The following FRS2 variants were observed in gnomAD, a reference collection of about 807,000 sequenced individuals.
FRS2 encodes FGFR signalling adaptor.
FRS2 carries 8 observed loss-of-function variants against 43.9 expected under a neutral mutation model. The observed-to-expected ratio is 0.18, with a 90% confidence interval of 0.11 to 0.33. The LOEUF is 0.33. Among genes scored for constraint, FRS2 ranks in the 10% least tolerant of loss-of-function variants. The probability of loss-of-function intolerance (pLI) is 1.00; values close to 1 mark genes in which losing one functional copy is unlikely to be tolerated. For missense variants in FRS2, 534 were observed against 627.6 expected, an observed-to-expected ratio of 0.85 and a Z score of 1.59; for synonymous variants, 219 against 220.3, an observed-to-expected ratio of 0.99 and a Z score of 0.05.
intron 1 of FRS2, among the ~76,000 whole-genome samples, chr12:69,519,343 A>G (rs1875389952): frequency 6.6e-6 from 1 of 152,202 alleles, no homozygotes; most frequent in South Asian, 2.1e-4. Flanking sequence ...GACTCTGATG[A>G]CGTTTACATT....
intron 3 of FRS2, among the ~76,000 whole-genome samples, chr12:69,539,360 C>T (rs1226279798): frequency 6.6e-6 from 1 of 152,132 alleles, no homozygotes; most frequent in East Asian, 1.9e-4. Context: ...CAGGTGTGAG[C>T]ACCGTGCCCA....
chr12:69,528,479 T>C (rs1876476548), intron 1 of FRS2, among the ~76,000 whole-genome samples: 1 of 152,230 alleles, frequency 6.6e-6, no homozygotes, highest in Admixed American at 6.5e-5. Flanking sequence ...GATGGGACTC[T>C]TTTAATTCAA....
chr12:69,551,241 A>G (rs1275003713), intron 3 of FRS2, among the ~76,000 whole-genome samples: 1 of 152,076 alleles, frequency 6.6e-6, no homozygotes, highest in Non-Finnish European at 1.5e-5. Flanking sequence ...AGTCCTAACT[A>G]CTTTGGGAGG....
intron 6 of FRS2, 108 bp downstream of exon 6, chr12:69,570,625 TA>T: frequency 1.5e-6 from 1 of 671,334 alleles, no homozygotes; most frequent in Middle Eastern, 3.1e-4. Context: ...AATCCCAAAA[TA>T]AACAGATTGT....
chr12:69,563,645 C>T (rs1718375135), intron 4 of FRS2, among the ~76,000 whole-genome samples: 2 of 152,206 alleles, frequency 1.3e-5, no homozygotes, highest in Admixed American at 1.3e-4. Flanking sequence ...GCAGCCTCTG[C>T]TGAGTTCTCA....
At chr12:69,501,729 A>G (rs1873461240) in intron 1 of FRS2, among the ~76,000 whole-genome samples, 1 of 152,156 alleles carries the variant, frequency 6.6e-6, no homozygotes, top group Non-Finnish European at 1.5e-5. Context: ...GAGGGTGTGG[A>G]CGGTTGTGTG....
intron 6 of FRS2, among the ~76,000 whole-genome samples, 155 bp from the exon 7 acceptor site, chr12:69,571,119 CAG>C (rs1203242051): frequency 2.0e-5 from 3 of 152,092 alleles, no homozygotes; most frequent in East Asian, 1.9e-4. Flanking sequence ...TGTTTTGAAA[CAG>C]AGAATAATCA....
intron 3 of FRS2, among the ~76,000 whole-genome samples, chr12:69,554,872 CTT>C (rs747422811): frequency 2.3e-5 from 3 of 133,304 alleles, no homozygotes. Flanking sequence ...GCCCAGCTAA[CTT>C]TTTTTTTTTT....
At chr12:69,496,388 G>C (rs1202371153) in intron 1 of FRS2, among the ~76,000 whole-genome samples, 1 of 151,958 alleles carries the variant, frequency 6.6e-6, no homozygotes, top group Non-Finnish European at 1.5e-5. Context: ...AGTGAGCCGA[G>C]ATCGCGCCAC....
intron 1 of FRS2, among the ~76,000 whole-genome samples, chr12:69,510,583 G>C (rs181570378): frequency 3.5e-3 from 537 of 152,228 alleles, no homozygotes; most frequent in Non-Finnish European, 5.8e-3. Flanking sequence ...TCCACTGAAA[G>C]CTGTGCCAGA....
chr12:69,490,184 G>C (rs1872341760), intron 1 of FRS2, among the ~76,000 whole-genome samples: 1 of 152,032 alleles, frequency 6.6e-6, no homozygotes, highest in African/African-American at 2.4e-5. Context: ...TAGATTGTTT[G>C]AATCTGAGAA....
Position 69,578,035 on chromosome 12 carries a change from ATGT to A in FRS2, c.*3082_*3084del, listed in dbSNP as rs1881305539. On this transcript the variant is annotated 3_prime_UTR_variant, in exon 9 of 9. Transcript: ENST00000549921. ...CAGCATATAAAAATGTACCTCAATA[ATGT>A]TCTATTAAAAATGGGACAGGGGCCT... The A allele has an allele frequency of 6.6e-6, 1 of 152,564 alleles. No homozygotes were observed. The highest frequency in any genetic ancestry group is 6.6e-5 in the Admixed American group (1 of 15,264). 9.5% of individuals were successfully genotyped at this position (152,564 alleles called of 1,614,324 possible).
intron 1 of FRS2, among the ~76,000 whole-genome samples, chr12:69,486,725 A>C (rs923911421): frequency 7.2e-5 from 11 of 152,254 alleles, no homozygotes; most frequent in African/African-American, 2.7e-4. Flanking sequence ...GTGAACATCC[A>C]GATGATAAGA....
intron 1 of FRS2, among the ~76,000 whole-genome samples, chr12:69,478,141 G>A (rs968672949): frequency 5.9e-5 from 9 of 152,128 alleles, no homozygotes; most frequent in Admixed American, 4.6e-4. Flanking sequence ...TAAATAGCAA[G>A]CTGTTTTAAA....
intron 1 of FRS2, among the ~76,000 whole-genome samples, chr12:69,508,745 TGTCTTCATTTTTCTAAGTC>T: frequency 6.6e-6 from 1 of 152,206 alleles, no homozygotes; most frequent in African/African-American, 2.4e-5. Context: ...TTCTGATATT[TGTCTTCATTTTTCTAAGTC>T]AGTTATTCTG....
rs765619140 is a variant in FRS2 at position 69,569,111 on chromosome 12, T to A, written c.66+15T>A. On this transcript the variant is annotated intron_variant, in intron 5 of 8. Coordinates refer to ENST00000549921, the MANE Select transcript of FRS2 (RefSeq NM_001278356.2). Reference sequence around the variant, plus strand: ...ACAAGTTTAAGGTCAGTAAAACTGGTTGAGTTATATATCTTACTGCCTAGT... The same window carrying A: ...ACAAGTTTAAGGTCAGTAAAACTGGATGAGTTATATATCTTACTGCCTAGT... 6.6e-7 allele frequency: 1 copy of A among 1,509,048 alleles called. No homozygotes were observed. Among genetic ancestry groups the A allele is most frequent in the East Asian group, 2.3e-5 (1 of 44,210 alleles). The allele number at this position is 1,509,048 out of a possible 1,614,324, so 93.5% of individuals were successfully genotyped here. A position where few individuals can be genotyped will look rare whatever the true frequency, so the allele number is the denominator to read the frequency against.
At chr12:69,501,204 T>C (rs1002508242) in intron 1 of FRS2, among the ~76,000 whole-genome samples, 1 of 151,950 alleles carries the variant, frequency 6.6e-6, no homozygotes, top group Non-Finnish European at 1.5e-5. Context: ...TTGCTACATA[T>C]GATGATTACA....
chr12:69,488,138 T>C (rs1810894740), intron 1 of FRS2, among the ~76,000 whole-genome samples: 1 of 152,224 alleles, frequency 6.6e-6, no homozygotes. Context: ...GATAAAGCAG[T>C]GACAGGGTTT....
chr12:69,525,217 T>A (rs1022651453), intron 1 of FRS2, among the ~76,000 whole-genome samples: 7 of 151,450 alleles, frequency 4.6e-5, no homozygotes, highest in African/African-American at 1.7e-4. Context: ...ACTAAAAAAA[T>A]GCATTTTATG....
Sources: allele counts gnomAD v4.1 joint callset (sites outside exome capture counted in the v4.1 genomes callset), GRCh38; gene constraint gnomAD v4.1.1; transcripts MANE v1.5; gene names NCBI Gene and HGNC (gene_info 2026-07-23, HGNC 2026-07-21).